KALRN: variants seen among roughly 807,000 people sequenced by gnomAD.
The protein encoded by KALRN is kalirin RhoGEF kinase.
A neutral mutation model predicts 353.7 loss-of-function variants in KALRN; 70 were observed. That is an observed-to-expected ratio of 0.20 (90% CI 0.16 to 0.24). The LOEUF is 0.24. Ranked by LOEUF, KALRN falls within the 10% of genes least tolerant of loss-of-function variation. KALRN has a pLI of 1.00. For missense variants in KALRN, 2,791 were observed against 3,756.7 expected (o/e 0.74, Z 6.72); for synonymous variants, 1,391 against 1,434.8 (o/e 0.97, Z 0.69).
intron 27 of KALRN, among the ~76,000 whole-genome samples, chr3:124,479,757 TC>T (rs2061784193): frequency 7.2e-6 from 1 of 139,184 alleles, no homozygotes; most frequent in Non-Finnish European, 1.5e-5. Context: ...GGAGTCTCGC[TC>T]TGTTGCCCAG....
chr3:124,356,882 T>C (rs2083478700), intron 10 of KALRN, among the ~76,000 whole-genome samples: 1 of 152,200 alleles, frequency 6.6e-6, no homozygotes, highest in Non-Finnish European at 1.5e-5. Flanking sequence ...CCACGCCTAC[T>C]CTCATGGCTT....
At chr3:124,442,306 A>G (rs925409635) in intron 19 of KALRN, among the ~76,000 whole-genome samples, 4 of 152,260 alleles carry the variant, frequency 2.6e-5, no homozygotes, top group Non-Finnish European at 5.9e-5. Flanking sequence ...GAGTCTGGAC[A>G]GCACTGCCTA....
At chr3:124,042,067 TCTC>T (rs1420938496) in intron 1 of KALRN, among the ~76,000 whole-genome samples, 2 of 152,164 alleles carry the variant, frequency 1.3e-5, no homozygotes, top group Admixed American at 6.5e-5. Context: ...AGTGGCTACT[TCTC>T]CTTGATCTGG....
At chr3:124,159,739 A>G (rs1202854193) in intron 1 of KALRN, among the ~76,000 whole-genome samples, 1 of 152,168 alleles carries the variant, frequency 6.6e-6, no homozygotes, top group African/African-American at 2.4e-5. Context: ...AGATGAACAC[A>G]TGCTATTTCT....
chr3:124,693,800 T>A lies in KALRN; in HGVS notation c.7378-4T>A. 6.4e-7 allele frequency: 1 copy of A among 1,559,242 alleles called. No homozygotes were observed. Among genetic ancestry groups the A allele is most frequent in the African/African-American group, 1.4e-5 (1 of 73,022 alleles). ...GCAATTTTCTGTGTCTTTTTGTTTT[T>A]CAGATCTTAAATCCAAATTTCATCC... On this transcript the variant is annotated splice_polypyrimidine_tract_variant and splice_region_variant and intron_variant, in intron 51 of 59. Coordinates refer to ENST00000682506, the MANE Select transcript of KALRN (RefSeq NM_001388419.1).
intron 34 of KALRN, among the ~76,000 whole-genome samples, chr3:124,631,095 G>A (rs1447445111): frequency 6.6e-6 from 1 of 152,216 alleles, no homozygotes; most frequent in Non-Finnish European, 1.5e-5. Context: ...CCCTTTGTAA[G>A]ACATTTTCCA....
At chr3:124,605,958 C>T (rs542245791) in intron 34 of KALRN, among the ~76,000 whole-genome samples, 1 of 152,312 alleles carries the variant, frequency 6.6e-6, no homozygotes, top group African/African-American at 2.4e-5. Context: ...CTTTTTGCAT[C>T]TCTTCCAAGA....
chr3:124,516,399 G>C (rs1457772121), intron 33 of KALRN, among the ~76,000 whole-genome samples: 1 of 152,180 alleles, frequency 6.6e-6, no homozygotes, highest in East Asian at 1.9e-4. Context: ...CCCACTCCAT[G>C]AGGTTGTGGT....
intron 14 of KALRN, among the ~76,000 whole-genome samples, chr3:124,417,650 C>T (rs750180081): frequency 6.6e-5 from 10 of 152,182 alleles, no homozygotes; most frequent in Non-Finnish European, 1.3e-4. Flanking sequence ...TCTCCTTGAG[C>T]ATAAAGGCTA....
At chr3:124,158,225 T>C (rs1578755699) in intron 1 of KALRN, among the ~76,000 whole-genome samples, 1 of 151,712 alleles carries the variant, frequency 6.6e-6, no homozygotes, top group African/African-American at 2.4e-5. Context: ...TAGATGGGAG[T>C]GTGTTTACAG....
chr3:124,650,248 A>AT (rs2083269317), intron 37 of KALRN, among the ~76,000 whole-genome samples: 1 of 152,176 alleles, frequency 6.6e-6, no homozygotes, highest in Non-Finnish European at 1.5e-5. Context: ...ATCATAGGAC[A>AT]TTTTTAACTT....
intron 33 of KALRN, among the ~76,000 whole-genome samples, chr3:124,527,870 C>T (rs189557336): frequency 6.6e-6 from 1 of 152,206 alleles, no homozygotes; most frequent in Admixed American, 6.5e-5. Flanking sequence ...ATGACCTCAC[C>T]TATGGTGTGG....
At chr3:124,256,210 G>T (rs569725172) in intron 3 of KALRN, among the ~76,000 whole-genome samples, 1 of 152,250 alleles carries the variant, frequency 6.6e-6, no homozygotes, top group African/African-American at 2.4e-5. Context: ...TCTCCCTAAG[G>T]CCAAACTGTA....
chr3:124,041,659 C>T (rs1391636063), intron 1 of KALRN, among the ~76,000 whole-genome samples: 1 of 152,226 alleles, frequency 6.6e-6, no homozygotes, highest in Non-Finnish European at 1.5e-5. Context: ...TTGCTTCTTA[C>T]TTCTGCTGAA....
rs2063375081 is a variant in KALRN at position 124,722,749 on chromosome 3, A to G, written c.*3279A>G. The G allele has an allele frequency of 6.6e-6, 1 of 152,152 alleles. No homozygotes were observed. Among genetic ancestry groups the G allele is most frequent in the Non-Finnish European group, 1.5e-5 (1 of 68,028 alleles). 9.4% of individuals were successfully genotyped at this position (152,152 alleles called of 1,614,324 possible). ...GAGAGGAGAGAAGAGAAAATGGTCC[A>G]TTTCTATCATTATGATGGTAGTTCA... On this transcript the variant is annotated 3_prime_UTR_variant, in exon 60 of 60. Transcript: ENST00000682506.
intron 6 of KALRN, among the ~76,000 whole-genome samples, chr3:124,306,026 A>G (rs2077664233): frequency 1.3e-5 from 2 of 152,218 alleles, no homozygotes; most frequent in African/African-American, 4.8e-5. Flanking sequence ...AAATGAAAGC[A>G]TAATTACAAT....
intron 9 of KALRN, among the ~76,000 whole-genome samples, chr3:124,342,438 A>G (rs184481560): frequency 2.7e-4 from 41 of 152,170 alleles, no homozygotes; most frequent in Admixed American, 7.2e-4. Context: ...GACTTGTTTT[A>G]CTCAAGATCA....
chr3:124,539,251 T>C (rs747317691), intron 33 of KALRN, among the ~76,000 whole-genome samples: 1 of 152,196 alleles, frequency 6.6e-6, no homozygotes, highest in Admixed American at 6.5e-5. Context: ...GATATTAAAA[T>C]GCAGTGCAAA....
At chr3:124,131,453 G>A (rs750209109) in intron 1 of KALRN, among the ~76,000 whole-genome samples, 1 of 152,162 alleles carries the variant, frequency 6.6e-6, no homozygotes, top group African/African-American at 2.4e-5. Context: ...AGCTATCAAG[G>A]AGTTTTTGAA....
Sources: gnomAD v4.1 joint callset for allele counts (sites outside exome capture counted in the v4.1 genomes callset) on GRCh38, gnomAD v4.1.1 for gene constraint, MANE v1.5 for transcripts, NCBI Gene and HGNC (gene_info 2026-07-23, HGNC 2026-07-21) for gene names.